UNC80: variants seen among roughly 807,000 people sequenced by gnomAD.
The protein encoded by UNC80 is protein unc-80 homolog.
Under a neutral mutation model 384.6 loss-of-function variants are expected in UNC80, and 164 were observed. That is an observed-to-expected ratio of 0.43 (90% CI 0.38 to 0.49). UNC80 has a LOEUF of 0.49. Among genes scored for constraint, UNC80 ranks in the 20% least tolerant of loss-of-function variants. The pLI is 0.00. For synonymous variants in UNC80, 1,486 were observed against 1,527.8 expected (o/e 0.97, Z 0.64); for missense variants, 3,330 against 4,143.0 (o/e 0.80, Z 5.39).
chr2:209,837,927 G>A (rs974044185), intron 18 of UNC80, among the ~76,000 whole-genome samples: 4 of 151,654 alleles, frequency 2.6e-5, no homozygotes, highest in South Asian at 4.2e-4. Flanking sequence ...GCCCGCCACC[G>A]CACCCTGCTA....
rs2093498357 is a variant in UNC80 at position 209,997,343 on chromosome 2, G to A, written c.*1748G>A. ...AGTGCAGGAATATAAATGTTAAGTGGTTTTATGATTCCAAGCTGATATATT... is the reference window on the plus strand; with the variant it reads ...AGTGCAGGAATATAAATGTTAAGTGATTTTATGATTCCAAGCTGATATATT... On this transcript the variant is annotated 3_prime_UTR_variant, in exon 65 of 65. Coordinates refer to ENST00000673920, the MANE Select transcript of UNC80 (RefSeq NM_001371986.1). 1 of 152,118 alleles carries A rather than the reference G, an allele frequency of 6.6e-6. No homozygotes were observed. The highest frequency in any genetic ancestry group is 2.4e-5 in the African/African-American group (1 of 41,414). The allele number at this position is 152,118 out of a possible 1,614,324, so 9.4% of individuals were successfully genotyped here. A position where few individuals can be genotyped will look rare whatever the true frequency, so the allele number is the denominator to read the frequency against.
At chr2:209,983,490 T>C (rs1036738984) in intron 60 of UNC80, among the ~76,000 whole-genome samples, 2 of 152,148 alleles carry the variant, frequency 1.3e-5, no homozygotes, top group African/African-American at 4.8e-5. Flanking sequence ...GAAAGTCTTA[T>C]ACACAAAAAG....
At chr2:209,789,992 T>C (rs992698142) in intron 6 of UNC80, among the ~76,000 whole-genome samples, 1 of 152,060 alleles carries the variant, frequency 6.6e-6, no homozygotes, top group African/African-American at 2.4e-5. Context: ...GTAACTCTAA[T>C]GTAGGTAGAA....
intron 22 of UNC80, among the ~76,000 whole-genome samples, chr2:209,859,298 G>C (rs909436388): frequency 1.3e-5 from 2 of 152,104 alleles, no homozygotes; most frequent in African/African-American, 4.8e-5. Flanking sequence ...TTGATTATCT[G>C]TTCCTGTGTT....
At chr2:209,893,329 T>G (rs2086521288) in intron 26 of UNC80, among the ~76,000 whole-genome samples, 1 of 152,144 alleles carries the variant, frequency 6.6e-6, no homozygotes, top group African/African-American at 2.4e-5. Flanking sequence ...AAACACCAAA[T>G]CTTGAAAAGG....
chr2:209,813,249 C>T (rs2079493348), intron 7 of UNC80, among the ~76,000 whole-genome samples: 2 of 152,194 alleles, frequency 1.3e-5, no homozygotes. Context: ...CTTAGGGTCT[C>T]CCCTTCAAAC....
At chr2:209,806,211 A>G (rs535578034) in intron 7 of UNC80, among the ~76,000 whole-genome samples, 18 of 152,198 alleles carry the variant, frequency 1.2e-4, no homozygotes, top group Non-Finnish European at 2.5e-4. Flanking sequence ...CTCATCCATA[A>G]TAAGCATAGA....
At position 209,935,710 on chromosome 2, in the gene UNC80, G is replaced by A. The variant is rs1222073439; in HGVS notation, c.6179-4G>A. On this transcript the variant is annotated splice_polypyrimidine_tract_variant and splice_region_variant and intron_variant, in intron 39 of 64. Transcript: ENST00000673920. Reference sequence around the variant, plus strand: ...CAGTTTGTTATTATTTTTATCATCTGTAGGTACTAAAACCTTGGTAGTTCA... The same window carrying A: ...CAGTTTGTTATTATTTTTATCATCTATAGGTACTAAAACCTTGGTAGTTCA... The A allele has an allele frequency of 2.7e-6, 4 of 1,485,004 alleles. No homozygotes were observed. The highest frequency in any genetic ancestry group is 2.4e-5 in the Admixed American group (1 of 42,202). The allele number at this position is 1,485,004 out of a possible 1,614,324, so 92.0% of individuals were successfully genotyped here.
intron 25 of UNC80, among the ~76,000 whole-genome samples, chr2:209,883,426 CTTTTTTTT>C (rs35807077): frequency 2.0e-5 from 2 of 100,548 alleles, no homozygotes; most frequent in Non-Finnish European, 4.0e-5. Flanking sequence ...CCATTCCACT[CTTTTTTTT>C]TTTTTTTTTT....
At chr2:209,960,787 G>A (rs992424375) in intron 51 of UNC80, 2 of 152,218 alleles carry the variant, frequency 1.3e-5, no homozygotes, top group Non-Finnish European at 2.9e-5. Context: ...ACTCCCTGCT[G>A]TGCAGTAATG....
intron 14 of UNC80, among the ~76,000 whole-genome samples, chr2:209,827,438 G>A (rs1050333423): frequency 1.3e-5 from 2 of 152,080 alleles, no homozygotes; most frequent in Admixed American, 1.3e-4. Flanking sequence ...GGGTGAGTTG[G>A]ATCGGAAGCC....
chr2:209,865,014 T>G (rs935420251), intron 22 of UNC80, among the ~76,000 whole-genome samples: 5 of 152,192 alleles, frequency 3.3e-5, no homozygotes. Flanking sequence ...GGTTGCACAA[T>G]TCCATGTTAA....
intron 22 of UNC80, among the ~76,000 whole-genome samples, chr2:209,856,395 T>G (rs536349134): frequency 6.6e-6 from 1 of 152,262 alleles, no homozygotes; most frequent in African/African-American, 2.4e-5. Flanking sequence ...AGTGTTCAGC[T>G]TGTTTTCTTC....
At chr2:209,883,470 G>T (rs1345094791) in intron 25 of UNC80, among the ~76,000 whole-genome samples, 1 of 113,956 alleles carries the variant, frequency 8.8e-6, no homozygotes, top group Admixed American at 1.3e-4. Flanking sequence ...TTGCTCTGTT[G>T]CCCAGGCTGG....
chr2:209,806,328 A>T (rs2078895523), intron 7 of UNC80, among the ~76,000 whole-genome samples: 1 of 152,354 alleles, frequency 6.6e-6, no homozygotes, highest in East Asian at 1.9e-4. Flanking sequence ...AAAGCCAGCT[A>T]TAATGTTCAA....
intron 15 of UNC80, among the ~76,000 whole-genome samples, chr2:209,830,614 T>C (rs139427556): frequency 7.9e-5 from 12 of 152,246 alleles, no homozygotes; most frequent in Admixed American, 2.0e-4. Flanking sequence ...CAGGCAGACA[T>C]AGGTCCCCAT....
intron 29 of UNC80, among the ~76,000 whole-genome samples, chr2:209,906,507 C>CTG (rs2088233398): frequency 6.6e-6 from 1 of 152,066 alleles, no homozygotes. Context: ...GGTTTTTCAA[C>CTG]TGTGGGGGCT....
chr2:209,973,709 C>T (rs931386103), intron 56 of UNC80, among the ~76,000 whole-genome samples: 3 of 152,162 alleles, frequency 2.0e-5, no homozygotes, highest in African/African-American at 7.2e-5. Flanking sequence ...TATACAAAGA[C>T]ACAGCATTGC....
At chr2:209,840,292 A>G (rs764844572) in intron 19 of UNC80, among the ~76,000 whole-genome samples, 10 of 152,182 alleles carry the variant, frequency 6.6e-5, no homozygotes, top group East Asian at 5.8e-4. Flanking sequence ...TTAATGAGAG[A>G]TGTGAAGCTG....
Sources: allele counts gnomAD v4.1 joint callset (sites outside exome capture counted in the v4.1 genomes callset), GRCh38; gene constraint gnomAD v4.1.1; transcripts MANE v1.5; gene names NCBI Gene and HGNC (gene_info 2026-07-23, HGNC 2026-07-21).